The following FEZ1 variants were observed in gnomAD, a reference collection of about 807,000 sequenced individuals.
The protein encoded by FEZ1 is fasciculation and elongation protein zeta 1, also known as fasciculation and elongation protein zeta-1.
In FEZ1, 20 loss-of-function variants were observed where a neutral mutation model predicts 49.3. The ratio of observed to expected loss-of-function variants is 0.41; its 90% CI spans 0.29 to 0.59. The LOEUF is 0.59. Among genes scored for constraint, FEZ1 ranks in the 20% least tolerant of loss-of-function variants. FEZ1 has a pLI of 0.36. For missense variants in FEZ1, 413 were observed against 476.0 expected, an observed-to-expected ratio of 0.87 and a Z score of 1.23; for synonymous variants, 170 against 180.9, an observed-to-expected ratio of 0.94 and a Z score of 0.48.
chr11:125,464,587 A>C (rs1256949459), intron 3 of FEZ1, among the ~76,000 whole-genome samples: 1 of 152,214 alleles, frequency 6.6e-6, no homozygotes, highest in Admixed American at 6.5e-5. Flanking sequence ...CCCAGCTCCA[A>C]TCCAAGCAAT....
intron 1 of FEZ1, among the ~76,000 whole-genome samples, chr11:125,493,377 AG>A (rs1241114292): frequency 2.4e-5 from 1 of 41,140 alleles, no homozygotes; most frequent in African/African-American, 1.0e-4. Context: ...AAAGAAAGAA[AG>A]AAAGAAAGAA....
In FEZ1 at chr11:125,489,559, G is replaced by A; in HGVS notation, c.219C>T (p.Cys73=). 4 of 1,614,162 alleles carry A rather than the reference G, an allele frequency of 2.5e-6. No individual in the cohort carries two copies. Among genetic ancestry groups the A allele is most frequent in the Non-Finnish European group, 3.4e-6 (4 of 1,179,990 alleles). The change falls in exon 2 of 10, where the codon TGC becomes TGT. Residue 73 remains cysteine (C), a synonymous_variant. Coordinates refer to ENST00000278919, the MANE Select transcript of FEZ1 (RefSeq NM_005103.5). The surrounding 1 kb of genome is among the most constrained non-coding windows in gnomAD (Gnocchi z 4.2). The part of the protein sequence containing the change: ...VNEFDEKLNV[C]FRNYNAKTEN... ...CGGTCTTGGCGTTGTAGTTCCGAAA[G>A]CAGACATTGAGCTTCTCATCAAATT... is the stretch of plus-strand genomic sequence containing the variant.
intron 2 of FEZ1, among the ~76,000 whole-genome samples, chr11:125,488,380 A>T (rs919661085): frequency 6.6e-6 from 1 of 152,182 alleles, no homozygotes; most frequent in Non-Finnish European, 1.5e-5. Context: ...GGGGGTCTTA[A>T]AACATATCCC....
chr11:125,489,828 A>T lies in FEZ1; in HGVS notation c.-45-6T>A, dbSNP rs771922046. ...GACTTTCAGGATGAGTTTATCTAAAAGAAATGAACAGCGTAATGTGAGTTT... is the reference window on the plus strand; with the variant it reads ...GACTTTCAGGATGAGTTTATCTAAATGAAATGAACAGCGTAATGTGAGTTT... On this transcript the variant is annotated splice_region_variant and splice_polypyrimidine_tract_variant and intron_variant, in intron 1 of 9. Transcript: ENST00000278919. The surrounding 1 kb of genome is among the most constrained non-coding windows in gnomAD (Gnocchi z 4.2). 4 of 1,512,754 alleles carry T rather than the reference A, an allele frequency of 2.6e-6. No homozygotes were observed. In the Admixed American group the frequency reaches 9.1e-5, roughly 35 times the overall value. 93.7% of individuals were successfully genotyped at this position (1,512,754 alleles called of 1,614,324 possible). A position where few individuals can be genotyped will look rare whatever the true frequency, so the allele number is the denominator to read the frequency against.
intron 2 of FEZ1, among the ~76,000 whole-genome samples, chr11:125,482,084 G>A (rs572486537): frequency 6.6e-6 from 1 of 152,216 alleles, no homozygotes; most frequent in African/African-American, 2.4e-5. Flanking sequence ...AGAGATCTGG[G>A]CAGTTTTTCT....
At chr11:125,482,686 C>T (rs1436784006) in intron 2 of FEZ1, among the ~76,000 whole-genome samples, 1 of 151,998 alleles carries the variant, frequency 6.6e-6, no homozygotes, top group South Asian at 2.1e-4. Flanking sequence ...TTAATGAGGC[C>T]GGGCGCGATG....
Position 125,495,925 on chromosome 11 carries a change from C to T in FEZ1, c.-46+196G>A. 3.8e-6 allele frequency: 1 copy of T among 259,900 alleles called. No homozygotes were observed. The highest frequency in any genetic ancestry group is 7.5e-6 in the Non-Finnish European group (1 of 133,252). The allele number at this position is 259,900 out of a possible 1,614,324, so 16.1% of individuals were successfully genotyped here. ...GGCCTGGCGCGGCGTCCCAGCTGCGCTCCCTGAAGGGCTGGGCAGGAAGGC... is the reference window on the plus strand; with the variant it reads ...GGCCTGGCGCGGCGTCCCAGCTGCGTTCCCTGAAGGGCTGGGCAGGAAGGC... On this transcript the variant is annotated intron_variant, in intron 1 of 9. Coordinates refer to ENST00000278919, the MANE Select transcript of FEZ1 (RefSeq NM_005103.5). This position sits in a 1 kb window ranked among gnomAD's most constrained non-coding sequence, Gnocchi z 4.2.
chr11:125,461,426 G>A (rs141538657), intron 4 of FEZ1, among the ~76,000 whole-genome samples: 327 of 152,278 alleles, frequency 2.1e-3, no homozygotes, highest in African/African-American at 7.7e-3. Context: ...GAGCAACATG[G>A]CGAAACCCCA....
chr11:125,457,483 C>CATATATGTGT (rs1276442749), intron 5 of FEZ1, among the ~76,000 whole-genome samples: 1 of 47,812 alleles, frequency 2.1e-5, no homozygotes, highest in Non-Finnish European at 4.2e-5. Flanking sequence ...TATATATACA[C>CATATATGTGT]ATATATGTGT....
chr11:125,450,049 C>T (rs1332689945), intron 8 of FEZ1, among the ~76,000 whole-genome samples: 8 of 147,790 alleles, frequency 5.4e-5, no homozygotes, highest in African/African-American at 1.0e-4. Flanking sequence ...TTTTTTGAGA[C>T]GGAGTTTCAC....
rs923337704 is a variant in FEZ1 at position 125,452,377 on chromosome 11, T to C, written c.1053A>G (p.Lys351=). The change falls in exon 8 of 10, where the codon AAA becomes AAG. Residue 351 remains lysine (K), a synonymous_variant. Transcript: ENST00000278919. Reference sequence around the variant, plus strand: ...GGTCTTCCACTGAGGGAGGAGAGGCTTTCTTCTCGTAAGGAATGACTGTGT... The same window carrying C: ...GGTCTTCCACTGAGGGAGGAGAGGCCTTCTTCTCGTAAGGAATGACTGTGT... ...YLNTVIPYEK[K]ASPPSVEDLQ... is the part of the protein sequence containing the mutation. 6.2e-7 allele frequency: 1 copy of C among 1,613,210 alleles called. No individual in the cohort carries two copies. The highest frequency in any genetic ancestry group is 1.3e-5 in the African/African-American group (1 of 75,026).
intron 3 of FEZ1, among the ~76,000 whole-genome samples, chr11:125,467,201 GA>G (rs912526813): frequency 6.6e-6 from 1 of 151,854 alleles, no homozygotes; most frequent in African/African-American, 2.4e-5. Flanking sequence ...ACCTGACTAA[GA>G]TTTTTTTTGT....
rs940840778 is a variant in FEZ1 at position 125,443,405 on chromosome 11, C to A, written c.*2690G>T. On this transcript the variant is annotated 3_prime_UTR_variant, in exon 10 of 10. Coordinates refer to ENST00000278919, the MANE Select transcript of FEZ1 (RefSeq NM_005103.5). ...CAGCATTGAAGAGTCAAGGATTCAGCAACTCTGAAAACCTAGGGCAGAGTT... is the reference window on the plus strand; with the variant it reads ...CAGCATTGAAGAGTCAAGGATTCAGAAACTCTGAAAACCTAGGGCAGAGTT... Among the ~76,000 whole-genome samples, 2 of 152,200 alleles carry A rather than the reference C, an allele frequency of 1.3e-5. No homozygotes were observed. Among genetic ancestry groups the A allele is most frequent in the Non-Finnish European group, 2.9e-5 (2 of 68,038 alleles).
In FEZ1 at chr11:125,482,265, C is replaced by T. The variant is rs904088872; in HGVS notation, c.312-632G>A. Among the ~76,000 whole-genome samples the T allele has an allele frequency of 2.4e-4, 36 of 152,150 alleles. 1 individual carries two copies. Among genetic ancestry groups the T allele is most frequent in the Non-Finnish European group, 3.5e-4 (24 of 68,032 alleles). On this transcript the variant is annotated intron_variant, in intron 2 of 9. Transcript: ENST00000278919. ...TACCCAAAATGTTCTATCGAACCCA[C>T]GGGTTGCAAGATCCTGCCCTCTAAC... is the stretch of plus-strand genomic sequence containing the variant.
chr11:125,480,607 T>C (rs954139882), intron 3 of FEZ1, among the ~76,000 whole-genome samples: 1 of 152,128 alleles, frequency 6.6e-6, no homozygotes, highest in African/African-American at 2.4e-5. Context: ...ATTTCCGGCC[T>C]GAACTGTTCA....
chr11:125,469,854 A>T (rs1243875692), intron 3 of FEZ1, among the ~76,000 whole-genome samples: 7 of 151,852 alleles, frequency 4.6e-5, no homozygotes, highest in Non-Finnish European at 8.8e-5. Context: ...TTGGGACTGC[A>T]AGTGCACTCC....
At chr11:125,469,017 G>T (rs1957159802) in intron 3 of FEZ1, 1 of 152,226 alleles carries the variant, frequency 6.6e-6, no homozygotes, top group Admixed American at 6.5e-5. Flanking sequence ...CAAAAACAGA[G>T]AGAGGATGTA....
chr11:125,490,762 T>A (rs1047247161), intron 1 of FEZ1, among the ~76,000 whole-genome samples: 5 of 152,098 alleles, frequency 3.3e-5, no homozygotes, highest in Admixed American at 3.3e-4. Flanking sequence ...GCCTGAGTTG[T>A]TTTTGTTTCG....
Position 125,452,338 on chromosome 11 carries a change from T to C in FEZ1, c.1092A>G (p.Thr364=). 6.2e-7 allele frequency: 1 copy of C among 1,605,552 alleles called. No individual in the cohort carries two copies. Among genetic ancestry groups the C allele is most frequent in the Non-Finnish European group, 8.5e-7 (1 of 1,172,058 alleles). The stretch of plus-strand genomic sequence containing the variant: ...CTGAGAACAAGAGGAACTCACTGTT[T>C]GTCAGCATCTGCAGGTCTTCCACTG... ...PPSVEDLQML[T]NILFAMKEDN... Residue 364 remains threonine, a synonymous_variant, in exon 8 of 10, where the codon ACA becomes ACG. Coordinates refer to ENST00000278919, the MANE Select transcript of FEZ1 (RefSeq NM_005103.5).
Sources: allele counts gnomAD v4.1 joint callset (sites outside exome capture counted in the v4.1 genomes callset), GRCh38; gene constraint gnomAD v4.1.1; non-coding constraint Gnocchi (gnomAD v3.1); transcripts MANE v1.5; gene names NCBI Gene and HGNC (gene_info 2026-07-23, HGNC 2026-07-21).